PDE7A: variants seen among roughly 807,000 people sequenced by gnomAD.
PDE7A encodes phosphodiesterase 7A, also known as high affinity 3',5'-cyclic-AMP phosphodiesterase 7A.
PDE7A carries 39 observed loss-of-function variants against 64.3 expected under a neutral mutation model. The ratio of observed to expected loss-of-function variants is 0.61; its 90% CI spans 0.47 to 0.79. The LOEUF (loss-of-function observed/expected upper bound fraction) is 0.79, where lower values mean the gene tolerates loss of function less well. PDE7A is among the 30% of genes least tolerant of loss of function. The pLI is 0.00. For synonymous variants in PDE7A, 203 were observed against 206.8 expected (o/e 0.98, Z 0.16); for missense variants, 470 against 582.8 (o/e 0.81, Z 1.99).
chr8:65,750,967 TA>T (rs1807923133), intron 3 of PDE7A, among the ~76,000 whole-genome samples: 1 of 152,164 alleles, frequency 6.6e-6, no homozygotes, highest in Non-Finnish European at 1.5e-5. Flanking sequence ...ATTAATCTCA[TA>T]AAGAAACCTA....
chr8:65,746,868 C>A (rs941544974), intron 4 of PDE7A, among the ~76,000 whole-genome samples: 2 of 152,110 alleles, frequency 1.3e-5, no homozygotes, highest in Non-Finnish European at 2.9e-5. Context: ...AAAGAAGACA[C>A]CCCAGCTTTA....
rs1477058454 is a variant in PDE7A at position 65,737,623 on chromosome 8, A to T, written c.595+1879T>A. On this transcript the variant is annotated intron_variant, in intron 6 of 12. Coordinates refer to ENST00000401827, the MANE Select transcript of PDE7A (RefSeq NM_001242318.3). The stretch of plus-strand genomic sequence containing the variant: ...CACCTCTGCCTCCTGGGTTCAAGTA[A>T]TTCTCCTGCCTCAGCCTCCCGAGTA... 9.9e-5 allele frequency among the ~76,000 whole-genome samples: 15 copies of T among 152,036 alleles called. 1 individual carries two copies. The highest frequency in any genetic ancestry group is 9.8e-4 in the Admixed American group (15 of 15,266).
rs1467391976 is a variant in PDE7A at position 65,715,923 on chromosome 8, G to C, written c.*3367C>G. Among the ~76,000 whole-genome samples, 1 of 148,400 alleles carries C rather than the reference G, an allele frequency of 6.7e-6. No homozygotes were observed. Among genetic ancestry groups the C allele is most frequent in the Non-Finnish European group, 1.5e-5 (1 of 67,226 alleles). ...GAATGAGGAGAATGGCGTGAACCCGGGAGGCGGAACTTGCAGTGAGCCAAT... is the reference window on the plus strand; with the variant it reads ...GAATGAGGAGAATGGCGTGAACCCGCGAGGCGGAACTTGCAGTGAGCCAAT... On this transcript the variant is annotated 3_prime_UTR_variant, in exon 13 of 13. Coordinates refer to ENST00000401827, the MANE Select transcript of PDE7A (RefSeq NM_001242318.3).
intron 1 of PDE7A, among the ~76,000 whole-genome samples, chr8:65,815,816 T>C (rs1203721244): frequency 6.6e-6 from 1 of 152,226 alleles, no homozygotes; most frequent in African/African-American, 2.4e-5. Context: ...TTCTTGAGTT[T>C]TACTGTCATA....
intron 1 of PDE7A, among the ~76,000 whole-genome samples, chr8:65,824,951 A>T (rs1041953231): frequency 2.0e-4 from 31 of 152,204 alleles, no homozygotes; most frequent in African/African-American, 7.5e-4. Flanking sequence ...ATATATTACA[A>T]GTTTAATATT....
intron 1 of PDE7A, among the ~76,000 whole-genome samples, chr8:65,823,922 C>T (rs1316427623): frequency 6.6e-6 from 1 of 151,960 alleles, no homozygotes; most frequent in Non-Finnish European, 1.5e-5. Flanking sequence ...AAGTTTCCCA[C>T]AAATATGACA....
intron 5 of PDE7A, among the ~76,000 whole-genome samples, chr8:65,739,888 A>AC (rs1314923621): frequency 6.6e-6 from 1 of 152,200 alleles, no homozygotes; most frequent in Non-Finnish European, 1.5e-5. Flanking sequence ...ATGAGAATAG[A>AC]CAATAGAAAA....
chr8:65,793,060 C>T (rs1809742591), intron 1 of PDE7A, among the ~76,000 whole-genome samples: 1 of 152,060 alleles, frequency 6.6e-6, no homozygotes, highest in Non-Finnish European at 1.5e-5. Context: ...AAAACATCAC[C>T]TTATGATACT....
At chr8:65,729,813 C>A (rs1307685388) in intron 7 of PDE7A, among the ~76,000 whole-genome samples, 1 of 151,978 alleles carries the variant, frequency 6.6e-6, no homozygotes, top group African/African-American at 2.4e-5. Flanking sequence ...AGGTGATCCG[C>A]CTGCCTTGGC....
intron 3 of PDE7A, among the ~76,000 whole-genome samples, chr8:65,773,509 C>G (rs1809170577): frequency 6.6e-6 from 1 of 152,188 alleles, no homozygotes; most frequent in African/African-American, 2.4e-5. Flanking sequence ...ATCACTGGAT[C>G]AGGATATAAG....
intron 1 of PDE7A, among the ~76,000 whole-genome samples, chr8:65,837,520 G>A (rs1428851047): frequency 6.6e-6 from 1 of 152,130 alleles, no homozygotes; most frequent in Admixed American, 6.5e-5. Context: ...TATAAACATA[G>A]CCTGAACATA....
At chr8:65,810,680 G>A (rs1210036169) in intron 1 of PDE7A, among the ~76,000 whole-genome samples, 1 of 151,886 alleles carries the variant, frequency 6.6e-6, no homozygotes, top group Non-Finnish European at 1.5e-5. Flanking sequence ...GAGCAAAGGT[G>A]AAAAACTTAA....
chr8:65,770,755 T>C (rs762300049), intron 3 of PDE7A, among the ~76,000 whole-genome samples: 20 of 152,232 alleles, frequency 1.3e-4, no homozygotes, highest in Non-Finnish European at 2.8e-4. Context: ...TTAAAGGTGA[T>C]ACATATTACC....
At chr8:65,743,443 G>A (rs544144692) in intron 5 of PDE7A, among the ~76,000 whole-genome samples, 32 of 152,256 alleles carry the variant, frequency 2.1e-4, no homozygotes, top group African/African-American at 7.5e-4. Flanking sequence ...CGAAGGGGAG[G>A]AATAAAAAGG....
chr8:65,770,156 TGTGTGTGC>T (rs1314857429), intron 3 of PDE7A, among the ~76,000 whole-genome samples: 17 of 132,728 alleles, frequency 1.3e-4, no homozygotes, highest in African/African-American at 4.4e-4. Context: ...TGTGTGTGTG[TGTGTGTGC>T]CACACCTAAT....
chr8:65,745,854 T>C (rs1807648443), intron 4 of PDE7A, among the ~76,000 whole-genome samples: 1 of 152,172 alleles, frequency 6.6e-6, no homozygotes, highest in Non-Finnish European at 1.5e-5. Flanking sequence ...CACTACTGAG[T>C]ATTTACTGTA....
chr8:65,822,266 C>T (rs1331183045), intron 1 of PDE7A, among the ~76,000 whole-genome samples: 1 of 152,154 alleles, frequency 6.6e-6, no homozygotes. Flanking sequence ...GAATGCTATA[C>T]CACTTCAAGA....
Position 65,803,140 on chromosome 8 carries a change from A to G in PDE7A, c.139-20297T>C, listed in dbSNP as rs1168542709. On this transcript the variant is annotated intron_variant, in intron 1 of 12. Coordinates refer to ENST00000401827, the MANE Select transcript of PDE7A (RefSeq NM_001242318.3). ...CTTTATAAATTACTCAGACTCAGGT[A>G]TTTCTTTGTAGCAAAGCAAGAACAG... Among the ~76,000 whole-genome samples the G allele has an allele frequency of 2.0e-5, 3 of 152,194 alleles. No homozygotes were observed. In the East Asian group the frequency reaches 5.8e-4, roughly 29 times the overall value.
At chr8:65,788,683 T>C (rs1362209656) in intron 1 of PDE7A, among the ~76,000 whole-genome samples, 1 of 152,122 alleles carries the variant, frequency 6.6e-6, no homozygotes. Context: ...AAAAAGCCCT[T>C]AAGAAGAAAT....
Sources: gnomAD v4.1 joint callset for allele counts (sites outside exome capture counted in the v4.1 genomes callset) on GRCh38, gnomAD v4.1.1 for gene constraint, MANE v1.5 for transcripts, NCBI Gene and HGNC (gene_info 2026-07-23, HGNC 2026-07-21) for gene names.